The following PPM1H variants were observed in gnomAD, a reference collection of about 807,000 sequenced individuals.
The protein encoded by PPM1H is protein phosphatase, Mg2+/Mn2+ dependent 1H, also known as protein phosphatase 1H.
A neutral mutation model predicts 54.9 loss-of-function variants in PPM1H; 27 were observed. The observed-to-expected ratio is 0.49, with a 90% CI of 0.36 to 0.68. PPM1H has a LOEUF of 0.68. PPM1H is among the 30% of genes least tolerant of loss of function. The pLI is 0.00. For synonymous variants in PPM1H, 305 were observed against 270.8 expected (o/e 1.13, Z -1.24); for missense variants, 596 against 667.8 (o/e 0.89, Z 1.19).
At chr12:62,761,210 AG>A (rs1379951755) in intron 4 of PPM1H, among the ~76,000 whole-genome samples, 1 of 152,224 alleles carries the variant, frequency 6.6e-6, no homozygotes, top group African/African-American at 2.4e-5. Flanking sequence ...AGGACTCCAC[AG>A]TTACGGAGGA....
chr12:62,903,468 G>A (rs922463694), intron 1 of PPM1H, among the ~76,000 whole-genome samples: 1 of 152,152 alleles, frequency 6.6e-6, no homozygotes, highest in African/African-American at 2.4e-5. Flanking sequence ...GATATTTGAA[G>A]GAAGGGACAG....
intron 6 of PPM1H, among the ~76,000 whole-genome samples, chr12:62,714,562 C>T (rs560856648): frequency 3.3e-5 from 5 of 152,124 alleles, no homozygotes; most frequent in African/African-American, 9.7e-5. Flanking sequence ...AAGCCTACCC[C>T]CTGCCGCCAC....
chr12:62,927,091 T>C (rs1216029565), intron 1 of PPM1H, among the ~76,000 whole-genome samples: 1 of 152,238 alleles, frequency 6.6e-6, no homozygotes, highest in Non-Finnish European at 1.5e-5. Context: ...ATCAGATCAC[T>C]GACAAATATT....
rs2120703714 is a variant in PPM1H, at chr12:62,788,354, G to A, written c.757-16C>T. ...TCTGTAGGTCCTGGAGAATAAAACA[G>A]AGTTAGTGTTGGATTGTGCAGGATG... On this transcript the variant is annotated splice_polypyrimidine_tract_variant and intron_variant, in intron 3 of 9. Coordinates refer to ENST00000228705, the MANE Select transcript of PPM1H (RefSeq NM_020700.2). 2 of 1,457,622 alleles carry A rather than the reference G, an allele frequency of 1.4e-6. No individual in the cohort carries two copies. The highest frequency in any genetic ancestry group is 2.4e-5 in the East Asian group (1 of 41,296). 90.3% of individuals were successfully genotyped at this position (1,457,622 alleles called of 1,614,324 possible).
chr12:62,884,905 T>A (rs149854970), intron 1 of PPM1H, among the ~76,000 whole-genome samples: 1 of 152,262 alleles, frequency 6.6e-6, no homozygotes, highest in Non-Finnish European at 1.5e-5. Context: ...TCCTTGCAGC[T>A]GCAGTATTGA....
intron 5 of PPM1H, among the ~76,000 whole-genome samples, chr12:62,735,595 C>T (rs1175233168): frequency 6.6e-6 from 1 of 152,096 alleles, no homozygotes; most frequent in African/African-American, 2.4e-5. Flanking sequence ...TGAATACTGG[C>T]AATATGAGGT....
chr12:62,663,731 C>T (rs888488077), intron 9 of PPM1H, among the ~76,000 whole-genome samples: 2 of 152,224 alleles, frequency 1.3e-5, no homozygotes, highest in African/African-American at 4.8e-5. Flanking sequence ...GTGGCTCATG[C>T]CTGTAATCCC....
chr12:62,753,058 T>A (rs2076450749), intron 4 of PPM1H, among the ~76,000 whole-genome samples: 1 of 152,130 alleles, frequency 6.6e-6, no homozygotes. Flanking sequence ...AAAAGATTTG[T>A]GAATAGTCAT....
Position 62,869,565 on chromosome 12 carries a change from G to A in PPM1H, c.246-37286C>T, listed in dbSNP as rs114296390. Among the ~76,000 whole-genome samples, 371 of 152,218 alleles carry A rather than the reference G, an allele frequency of 2.4e-3. 1 individual carries two copies. Among genetic ancestry groups the A allele is most frequent in the African/African-American group, 8.3e-3 (345 of 41,514 alleles). ...TTCTTAGCTGGTTCCCTGCCTCCAA[G>A]CCTTGCTGTCCTTCAAAACCACTAC... On this transcript the variant is annotated intron_variant, in intron 1 of 9. Transcript: ENST00000228705.
At chr12:62,723,537 A>C (rs923546868) in intron 5 of PPM1H, among the ~76,000 whole-genome samples, 3 of 152,180 alleles carry the variant, frequency 2.0e-5, no homozygotes. Context: ...TAATGCTGCT[A>C]TAGAAAAGGG....
chr12:62,802,770 G>A (rs764257941), intron 2 of PPM1H, among the ~76,000 whole-genome samples: 1 of 152,034 alleles, frequency 6.6e-6, no homozygotes, highest in Non-Finnish European at 1.5e-5. Flanking sequence ...TTTTAGTAGA[G>A]ATGGGGTTTC....
intron 1 of PPM1H, chr12:62,933,819 C>T (rs1292673729): frequency 2.0e-5 from 3 of 152,144 alleles, no homozygotes; most frequent in East Asian, 3.9e-4. Flanking sequence ...ATCACCAAAG[C>T]GGATTACCAA....
In PPM1H at chr12:62,669,459, G is replaced by A. The variant is rs182531573; in HGVS notation, c.1246-2130C>T. On this transcript the variant is annotated intron_variant, in intron 8 of 9. Transcript: ENST00000228705. Reference sequence around the variant, plus strand: ...CTTCCTCCCAGGTGATGCCAATGCTGCAGGTTCACAGACCGGGCCCCGAGT... The same window carrying A: ...CTTCCTCCCAGGTGATGCCAATGCTACAGGTTCACAGACCGGGCCCCGAGT... Among the ~76,000 whole-genome samples the A allele has an allele frequency of 4.6e-5, 7 of 152,290 alleles. No homozygotes were observed. In the East Asian group the frequency reaches 1.4e-3, roughly 29 times the overall value.
At chr12:62,733,475 T>C (rs1466578896) in intron 5 of PPM1H, among the ~76,000 whole-genome samples, 1 of 152,172 alleles carries the variant, frequency 6.6e-6, no homozygotes, top group Non-Finnish European at 1.5e-5. Flanking sequence ...GCCAGGCTGG[T>C]CTCGAACTCC....
In PPM1H at chr12:62,895,954, G is replaced by A. The variant is rs562839176; in HGVS notation, c.245+38538C>T. Among the ~76,000 whole-genome samples, 22 of 152,064 alleles carry A rather than the reference G, an allele frequency of 1.4e-4. No individual in the cohort carries two copies. The East Asian group carries it at 3.5e-3, about 24-fold the overall frequency. Reference sequence around the variant, plus strand: ...TTATAACAAAATAAATAGACTAAGAGACCCACCCAGAACTACCAAGCAAAT... The same window carrying A: ...TTATAACAAAATAAATAGACTAAGAAACCCACCCAGAACTACCAAGCAAAT... On this transcript the variant is annotated intron_variant, in intron 1 of 9. Transcript: ENST00000228705.
chr12:62,689,242 A>G (rs1342995368), intron 8 of PPM1H, among the ~76,000 whole-genome samples: 2 of 152,206 alleles, frequency 1.3e-5, no homozygotes, highest in Non-Finnish European at 2.9e-5. Context: ...AATATGGGAA[A>G]CCTAAGGTCA....
chr12:62,706,811 T>G (rs780972869), intron 6 of PPM1H, among the ~76,000 whole-genome samples: 75 of 152,168 alleles, frequency 4.9e-4, no homozygotes, highest in Non-Finnish European at 8.4e-4. Flanking sequence ...ATTAATTCTC[T>G]TCCTAAAATT....
chr12:62,757,770 C>G (rs939238871), intron 4 of PPM1H, among the ~76,000 whole-genome samples: 11 of 152,192 alleles, frequency 7.2e-5, no homozygotes, highest in Admixed American at 2.6e-4. Context: ...ATGGACTTAT[C>G]CAAATTTACA....
At chr12:62,793,094 C>T (rs1243493532) in intron 3 of PPM1H, among the ~76,000 whole-genome samples, 5 of 152,128 alleles carry the variant, frequency 3.3e-5, no homozygotes, top group African/African-American at 1.2e-4. Context: ...TTTAGAATAT[C>T]TCCCTATTTT....
Sources: allele counts gnomAD v4.1 joint callset (sites outside exome capture counted in the v4.1 genomes callset), GRCh38; gene constraint gnomAD v4.1.1; transcripts MANE v1.5; gene names NCBI Gene and HGNC (gene_info 2026-07-23, HGNC 2026-07-21).